INPP5A: variants seen among roughly 807,000 people sequenced by gnomAD.
The protein encoded by INPP5A is inositol polyphosphate-5-phosphatase A.
Under a neutral mutation model 65.2 loss-of-function variants are expected in INPP5A, and 14 were observed. The observed-to-expected ratio is 0.21, with a 90% CI of 0.14 to 0.34. The LOEUF is 0.34. Ranked by LOEUF, INPP5A falls within the 10% of genes least tolerant of loss-of-function variation. INPP5A has a pLI of 1.00. For synonymous variants in INPP5A, 207 were observed against 208.3 expected, an observed-to-expected ratio of 0.99 and a Z score of 0.05; for missense variants, 431 against 545.6, an observed-to-expected ratio of 0.79 and a Z score of 2.09.
At chr10:132,614,695 T>A (rs1412223338) in intron 2 of INPP5A, among the ~76,000 whole-genome samples, 1 of 152,234 alleles carries the variant, frequency 6.6e-6, no homozygotes, top group East Asian at 1.9e-4. Flanking sequence ...CCTCCCACAT[T>A]CCTGTGTTAA....
chr10:132,751,877 G>A (rs536007898), intron 11 of INPP5A, among the ~76,000 whole-genome samples: 53 of 105,732 alleles, frequency 5.0e-4, no homozygotes, highest in African/African-American at 1.4e-3. Context: ...GGATGGAGGC[G>A]GGTGCCTAGG....
At position 132,616,410 on chromosome 10, in the gene INPP5A, G is replaced by A. The variant is rs552138455; in HGVS notation, c.117+8454G>A. Among the ~76,000 whole-genome samples the A allele has an allele frequency of 1.3e-4, 20 of 152,096 alleles. No individual in the cohort carries two copies. The South Asian group carries it at 2.5e-3, about 19-fold the overall frequency. The stretch of plus-strand genomic sequence containing the variant: ...TGTGAGGTATGTGGCGTGCGGGGAC[G>A]CCGTGGGCGTGGTGTGGGATATGTG... On this transcript the variant is annotated intron_variant, in intron 2 of 15. Transcript: ENST00000368594. The surrounding 1 kb of genome is among the most constrained non-coding windows in gnomAD (Gnocchi z 4.9).
chr10:132,564,764 C>T (rs908836074), intron 1 of INPP5A, among the ~76,000 whole-genome samples: 2 of 152,212 alleles, frequency 1.3e-5, no homozygotes, highest in Non-Finnish European at 2.9e-5. Flanking sequence ...TTGTTTGGAG[C>T]TCCTGGTGGC....
intron 1 of INPP5A, among the ~76,000 whole-genome samples, chr10:132,569,663 G>GT (rs1170653471): frequency 5.3e-5 from 8 of 151,316 alleles, no homozygotes; most frequent in East Asian, 1.9e-4. Context: ...GGTCCCCACT[G>GT]TTTTTTTTAA....
At chr10:132,687,991 C>T (rs937912801) in intron 4 of INPP5A, among the ~76,000 whole-genome samples, 2 of 152,212 alleles carry the variant, frequency 1.3e-5, no homozygotes, top group African/African-American at 4.8e-5. Flanking sequence ...ACACTGTTTT[C>T]TGGTGAGGTG....
rs149307301 is a variant in INPP5A, at chr10:132,603,750, T to C, written c.76-4165T>C. 0.022 allele frequency among the ~76,000 whole-genome samples: 3,364 copies of C among 152,290 alleles called. 49 individuals are homozygous for C. The highest frequency in any genetic ancestry group is 0.078 in the Middle Eastern group (23 of 294). On this transcript the variant is annotated intron_variant, in intron 1 of 15. Transcript: ENST00000368594. This position sits in a 1 kb window ranked among gnomAD's most constrained non-coding sequence, Gnocchi z 4.2. ...TGCTGATTTAATAGATTCTATTACT[T>C]GTGTTTTGTTAGTTTGTAACAGAGA...
chr10:132,687,815 G>A (rs1413976809), intron 4 of INPP5A, among the ~76,000 whole-genome samples: 1 of 152,210 alleles, frequency 6.6e-6, no homozygotes, highest in Non-Finnish European at 1.5e-5. Context: ...CCTGCCTGTG[G>A]GTGTGTTCCC....
chr10:132,687,746 T>C (rs1845161131), intron 4 of INPP5A, among the ~76,000 whole-genome samples: 1 of 152,146 alleles, frequency 6.6e-6, no homozygotes, highest in Non-Finnish European at 1.5e-5. Flanking sequence ...TGTGTGCACA[T>C]GCAAGCGAGC....
intron 9 of INPP5A, among the ~76,000 whole-genome samples, chr10:132,729,940 A>G (rs1846052582): frequency 1.3e-5 from 2 of 152,312 alleles, no homozygotes; most frequent in South Asian, 4.1e-4. Flanking sequence ...CAGCTGCTCG[A>G]GCGGCTGGTG....
intron 4 of INPP5A, among the ~76,000 whole-genome samples, chr10:132,667,597 A>C (rs968638891): frequency 2.0e-5 from 3 of 152,204 alleles, no homozygotes; most frequent in African/African-American, 7.2e-5. Flanking sequence ...ACACGATGTA[A>C]TTTCTCCTCA....
intron 3 of INPP5A, 44 bp downstream of exon 3, chr10:132,646,012 G>T (rs763655216): frequency 1.4e-6 from 2 of 1,389,560 alleles, no homozygotes; most frequent in South Asian, 1.2e-5. Flanking sequence ...CTTCCCAGGG[G>T]TGTGGGGTGC....
intron 4 of INPP5A, among the ~76,000 whole-genome samples, chr10:132,653,624 A>G (rs954255446): frequency 6.6e-6 from 1 of 152,242 alleles, no homozygotes; most frequent in African/African-American, 2.4e-5. Flanking sequence ...TTCTCTTACC[A>G]AAAAGAATTA....
chr10:132,755,777 GCAGGTGCTGAC>G (rs1846596378), intron 11 of INPP5A, among the ~76,000 whole-genome samples: 1 of 152,152 alleles, frequency 6.6e-6, no homozygotes, highest in African/African-American at 2.4e-5. Context: ...CCACCCAGGA[GCAGGTGCTGAC>G]CCCAGAGGAG....
intron 4 of INPP5A, 100 bp from the exon 5 acceptor site, chr10:132,690,292 G>C: frequency 1.2e-6 from 1 of 802,186 alleles, no homozygotes; most frequent in Non-Finnish European, 2.1e-6. Flanking sequence ...TGAAACTCTT[G>C]CTCTAGCTAG....
intron 1 of INPP5A, among the ~76,000 whole-genome samples, chr10:132,582,948 A>G (rs1190810750): frequency 6.6e-6 from 1 of 152,166 alleles, no homozygotes; most frequent in Non-Finnish European, 1.5e-5. Flanking sequence ...ATGTTAGAGC[A>G]TCTTGTCAAT....
At chr10:132,725,457 C>T (rs1845969596) in intron 8 of INPP5A, among the ~76,000 whole-genome samples, 1 of 152,230 alleles carries the variant, frequency 6.6e-6, no homozygotes, top group African/African-American at 2.4e-5. Context: ...CAACGCAGAA[C>T]AAGACCACAT....
intron 1 of INPP5A, among the ~76,000 whole-genome samples, chr10:132,561,255 T>C (rs1276488970): frequency 6.6e-6 from 1 of 151,976 alleles, no homozygotes; most frequent in Non-Finnish European, 1.5e-5. Flanking sequence ...GTGCTTCAGC[T>C]ATCATAACCA....
chr10:132,699,570 G>T (rs1260980895), intron 6 of INPP5A, among the ~76,000 whole-genome samples: 5 of 152,112 alleles, frequency 3.3e-5, no homozygotes, highest in Admixed American at 3.3e-4. Context: ...TATTCACTGG[G>T]TCCTGTCCAC....
intron 1 of INPP5A, among the ~76,000 whole-genome samples, chr10:132,563,009 G>A (rs895378192): frequency 2.0e-5 from 3 of 152,238 alleles, no homozygotes; most frequent in South Asian, 4.1e-4. Context: ...GGGAGGGCGC[G>A]GGGAGGAGGT....
Sources: allele counts gnomAD v4.1 joint callset (sites outside exome capture counted in the v4.1 genomes callset), GRCh38; gene constraint gnomAD v4.1.1; non-coding constraint Gnocchi (gnomAD v3.1); transcripts MANE v1.5; gene names NCBI Gene and HGNC (gene_info 2026-07-23, HGNC 2026-07-21).